The following CBLIF variants were observed in gnomAD, a reference collection of about 807,000 sequenced individuals.
CBLIF encodes cobalamin binding intrinsic factor.
In CBLIF, 24 loss-of-function variants were observed where a neutral mutation model predicts 44.9. That is an observed-to-expected ratio of 0.53 (90% CI 0.39 to 0.75). The LOEUF (loss-of-function observed/expected upper bound fraction) is 0.75, where lower values mean the gene tolerates loss of function less well. Ranked by LOEUF, CBLIF falls within the 30% of genes least tolerant of loss-of-function variation. CBLIF has a pLI of 0.00. For missense variants in CBLIF, 481 were observed against 513.0 expected (o/e 0.94, Z 0.60); for synonymous variants, 183 against 190.9 (o/e 0.96, Z 0.34).
At chr11:59,830,960 G>A (rs1272360512) in intron 8 of CBLIF, among the ~76,000 whole-genome samples, 1 of 152,182 alleles carries the variant, frequency 6.6e-6, no homozygotes, top group African/African-American at 2.4e-5. Context: ...CTCCTCCACT[G>A]TAATATTGGA....
At chr11:59,831,439 A>G (rs983591326) in intron 8 of CBLIF, 9 of 186,930 alleles carry the variant, frequency 4.8e-5, no homozygotes, top group African/African-American at 7.0e-5. Context: ...GAAAAGTATT[A>G]TCGCTGCCTA....
chr11:59,844,245 C>A (rs1487529179), intron 1 of CBLIF, among the ~76,000 whole-genome samples, 190 bp from the exon 2 acceptor site: 2 of 152,142 alleles, frequency 1.3e-5, no homozygotes, highest in African/African-American at 4.8e-5. Flanking sequence ...TCAAGTGATT[C>A]TCCTGCCTCA....
chr11:59,842,407 GA>G (rs1223695649), intron 4 of CBLIF, 35 bp downstream of exon 4: 1 of 1,610,822 alleles, frequency 6.2e-7, no homozygotes, highest in Non-Finnish European at 8.5e-7. Context: ...CGATGCCTCT[GA>G]TGTTCCCAGC....
chr11:59,835,849 A>G lies in CBLIF; in HGVS notation c.1032T>C (p.Leu344=). ...NVSVKSGSVL[L]VVLEEAQRKN... The stretch of plus-strand genomic sequence containing the variant: ...TGCGCTGTGCTTCCTCTAGGACAAC[A>G]AGTAACACTGACCCACTTTTCACAC... The change falls in exon 7 of 9, where the codon CTT becomes CTC. Residue 344 remains leucine (L), a synonymous_variant. Transcript: ENST00000257248. 6.2e-7 allele frequency: 1 copy of G among 1,614,180 alleles called. No individual in the cohort carries two copies. Among genetic ancestry groups the G allele is most frequent in the Non-Finnish European group, 8.5e-7 (1 of 1,179,992 alleles).
intron 7 of CBLIF, among the ~76,000 whole-genome samples, chr11:59,832,255 A>G (rs1446031718): frequency 1.3e-5 from 2 of 152,166 alleles, no homozygotes; most frequent in Non-Finnish European, 2.9e-5. Context: ...GTTCTTACTT[A>G]TAAGTGGGAG....
intron 3 of CBLIF, 39 bp from the exon 4 acceptor site, chr11:59,842,622 C>G (rs1306137645): frequency 6.2e-7 from 1 of 1,601,650 alleles, no homozygotes; most frequent in African/African-American, 1.3e-5. Flanking sequence ...GACTCACAGT[C>G]ACCACGATGA....
At chr11:59,841,522 G>A (rs916410310) in intron 4 of CBLIF, among the ~76,000 whole-genome samples, 198 bp from the exon 5 acceptor site, 2 of 152,204 alleles carry the variant, frequency 1.3e-5, no homozygotes, top group African/African-American at 2.4e-5. Context: ...AAGCAGCAGG[G>A]CCAAATCTCC....
chr11:59,843,054 C>G lies in CBLIF; in HGVS notation c.344G>C (p.Arg115Thr). The change falls in exon 3 of 9, where the codon AGA becomes ACA. Residue 115 changes from arginine (R) to threonine (T), a missense_variant. Coordinates refer to ENST00000257248, the MANE Select transcript of CBLIF (RefSeq NM_005142.3). Reference sequence around the variant, plus strand: ...GGAAGGTGCCCAGTTCTCCATTTGTCTTTGTAGAATGGATACTTTATCCCC... The same window carrying G: ...GGAAGGTGCCCAGTTCTCCATTTGTGTTTGTAGAATGGATACTTTATCCCC... ...DPGDKVSILQ[R>T]QMENWAPSSP... 1 of 1,611,826 alleles carries G rather than the reference C, an allele frequency of 6.2e-7. No homozygotes were observed.
intron 4 of CBLIF, among the ~76,000 whole-genome samples, chr11:59,841,736 G>C (rs371853518): frequency 5.3e-5 from 8 of 152,172 alleles, no homozygotes; most frequent in African/African-American, 1.7e-4. Context: ...AACAAGAGAG[G>C]TTGCTGATGG....
chr11:59,841,004 GC>G, intron 5 of CBLIF, 138 bp downstream of exon 5: 1 of 751,248 alleles, frequency 1.3e-6, no homozygotes. Context: ...AGAAACTGAG[GC>G]CCAGGCACCA....
In CBLIF at chr11:59,843,034, G is replaced by T; in HGVS notation, c.364C>A (p.Pro122Thr). ...CCTTCCAGTCAGGTCTTACTGGAAG[G>T]TGCCCAGTTCTCCATTTGTCTTTGT... ...ILQRQMENWAPSSPNAEASAF... is the reference protein window; with the variant it reads ...ILQRQMENWATSSPNAEASAF... Residue 122 changes from proline (P) to threonine (T), a missense_variant, in exon 3 of 9, where the codon CCT (proline) becomes ACT (threonine). Transcript: ENST00000257248. The T allele has an allele frequency of 6.3e-7, 1 of 1,577,226 alleles. No homozygotes were observed. The highest frequency in any genetic ancestry group is 8.7e-7 in the Non-Finnish European group (1 of 1,146,398).
intron 7 of CBLIF, 42 bp downstream of exon 7, chr11:59,835,766 T>C (rs755514130): frequency 6.9e-7 from 1 of 1,444,480 alleles, no homozygotes; most frequent in Non-Finnish European, 9.8e-7. Flanking sequence ...GGAATTCAGA[T>C]CAGGCCTTGA....
intron 4 of CBLIF, 22 bp from the exon 5 acceptor site, chr11:59,841,346 A>G: frequency 6.5e-7 from 1 of 1,542,038 alleles, no homozygotes; most frequent in Non-Finnish European, 9.0e-7. Flanking sequence ...AGAGGGTATA[A>G]GATCACCATA....
In CBLIF at chr11:59,845,368, T is replaced by C; in HGVS notation, c.79+7A>G. On this transcript the variant is annotated splice_region_variant and intron_variant, in intron 1 of 8. Coordinates refer to ENST00000257248, the MANE Select transcript of CBLIF (RefSeq NM_005142.3). ...CCCTGACCTCCTTGGAAAAACATCA[T>C]ACTCACAGCATGAACTCTGGGTCTG... The C allele has an allele frequency of 6.2e-7, 1 of 1,610,168 alleles. No homozygotes were observed.
Position 59,834,780 on chromosome 11 carries a change from T to C in CBLIF, c.1073+1028A>G, listed in dbSNP as rs903613429. Among the ~76,000 whole-genome samples, 5 of 152,312 alleles carry C rather than the reference T, an allele frequency of 3.3e-5. No individual in the cohort carries two copies. The South Asian group carries it at 1.0e-3, about 32-fold the overall frequency. ...ATTTAATCCTTTTCTTTGAAAGATA[T>C]TCTTTCTTCTTGACCCTTTAATCAA... On this transcript the variant is annotated intron_variant, in intron 7 of 8. Coordinates refer to ENST00000257248, the MANE Select transcript of CBLIF (RefSeq NM_005142.3).
In CBLIF at chr11:59,845,392, T is replaced by TG; in HGVS notation, c.61dup (p.Gln21ProfsTer89). The stretch of plus-strand genomic sequence containing the variant: ...ATACTCACAGCATGAACTCTGGGTC[T>TG]GGGTACTAGTCCCAGCTGTAGCCCA... On this transcript the variant is annotated frameshift_variant, in exon 1 of 9. Coordinates refer to ENST00000257248, the MANE Select transcript of CBLIF (RefSeq NM_005142.3). LOFTEE classifies it high-confidence loss of function. The TG allele has an allele frequency of 6.2e-7, 1 of 1,612,482 alleles. No homozygotes were observed.
chr11:59,842,114 C>T (rs369943437), intron 4 of CBLIF, among the ~76,000 whole-genome samples: 8 of 152,112 alleles, frequency 5.3e-5, no homozygotes, highest in African/African-American at 1.7e-4. Flanking sequence ...CAGAGGAGAA[C>T]TGAAGCAAGA....
intron 5 of CBLIF, among the ~76,000 whole-genome samples, chr11:59,839,220 G>A (rs182902847): frequency 6.6e-6 from 1 of 152,346 alleles, no homozygotes; most frequent in East Asian, 1.9e-4. Context: ...ATGGAAGAAA[G>A]ATGAGAAGTT....
intron 8 of CBLIF, among the ~76,000 whole-genome samples, chr11:59,830,233 CTTTTTTTTTT>C (rs530371257): frequency 4.1e-5 from 5 of 123,294 alleles, no homozygotes; most frequent in South Asian, 5.1e-4. Context: ...CAATTACTTT[CTTTTTTTTTT>C]TTTTTTTTTT....
Sources: gnomAD v4.1 joint callset for allele counts (sites outside exome capture counted in the v4.1 genomes callset) on GRCh38, gnomAD v4.1.1 for gene constraint, MANE v1.5 for transcripts, NCBI Gene and HGNC (gene_info 2026-07-23, HGNC 2026-07-21) for gene names.